The following MYO7B variants were observed in gnomAD, a reference collection of about 807,000 sequenced individuals.
MYO7B encodes the protein myosin VIIB.
A neutral mutation model predicts 259.7 loss-of-function variants in MYO7B; 212 were observed. That is an observed-to-expected ratio of 0.82 (90% confidence interval 0.73 to 0.91). The LOEUF is 0.91. Ranked by LOEUF, MYO7B falls within the 40% of genes least tolerant of loss-of-function variation. The probability of loss-of-function intolerance (pLI) is 0.00; values close to 1 mark genes in which losing one functional copy is unlikely to be tolerated. For synonymous variants in MYO7B, 1,197 were observed against 1,166.4 expected (o/e 1.03, Z -0.54); for missense variants, 2,732 against 2,813.5 (o/e 0.97, Z 0.66).
chr2:127,612,268 A>G lies in MYO7B; in HGVS notation c.3211A>G (p.Lys1071Glu). ...TCCACAGAGATCTGGCTGCAAGGAC[A>G]AGGGGACCAAGGATATCTCCTCCAT... ...RSAQRSGCKD[K>E]GTKDISSMKL... The change falls in exon 25 of 48, where the codon AAG (lysine) becomes GAG (glutamate). Residue 1071 changes from lysine to glutamate, a missense_variant. By Grantham distance (56) the Lys-to-Glu change is moderately conservative. This residue lies in a region of MYO7B where 1,906 missense variants were observed against 2,026.4 expected (regional missense o/e 0.94). Coordinates refer to ENST00000409816, the MANE Select transcript of MYO7B (RefSeq NM_001393586.1). 1 of 697,816 alleles carries G rather than the reference A, an allele frequency of 1.4e-6. No individual in the cohort carries two copies. The highest frequency in any genetic ancestry group is 2.5e-6 in the Non-Finnish European group (1 of 395,156). The allele number at this position is 697,816 out of a possible 1,614,324, so 43.2% of individuals were successfully genotyped here.
chr2:127,538,973 G>A (rs1029166091), intron 1 of MYO7B, among the ~76,000 whole-genome samples: 2 of 152,156 alleles, frequency 1.3e-5, no homozygotes, highest in African/African-American at 4.8e-5. Context: ...TTACCTTGCA[G>A]GGTTGTTTTA....
intron 19 of MYO7B, among the ~76,000 whole-genome samples, chr2:127,604,753 A>G (rs1159278805): frequency 6.6e-6 from 1 of 152,172 alleles, no homozygotes; most frequent in Admixed American, 6.5e-5. Context: ...AGGGAAACAG[A>G]GAAAAGAGAG....
intron 29 of MYO7B, 44 bp downstream of exon 29, chr2:127,623,419 C>A (rs752563104): frequency 1.5e-5 from 22 of 1,493,890 alleles, no homozygotes; most frequent in Non-Finnish European, 2.0e-5. Flanking sequence ...CCCTCATACA[C>A]CCAGGGAGAG....
At chr2:127,629,865 G>A (rs539840209) in intron 35 of MYO7B, 39 bp downstream of exon 35, 6 of 1,521,250 alleles carry the variant, frequency 3.9e-6, no homozygotes, top group Admixed American at 2.1e-5. Context: ...CTGGGTACCC[G>A]AGGTCAGGGT....
intron 38 of MYO7B, 112 bp downstream of exon 38, chr2:127,631,865 G>A: frequency 7.3e-7 from 1 of 1,367,664 alleles, no homozygotes. Flanking sequence ...CAGAACCCCT[G>A]CCTGGGCTCC....
At chr2:127,612,649 C>T (rs186585371) in intron 26 of MYO7B, 46 bp downstream of exon 26, 37 of 1,596,690 alleles carry the variant, frequency 2.3e-5, no homozygotes, top group Admixed American at 1.5e-4. Flanking sequence ...CATCAGATGC[C>T]CTCACTGGCT....
In MYO7B at chr2:127,566,718, C is replaced by T. The variant is rs1359702818; in HGVS notation, c.361C>T (p.Leu121Phe). The change falls in exon 5 of 48, where the codon CTC becomes TTC. Residue 121 changes from leucine to phenylalanine, a missense_variant. By Grantham distance (22) the Leu-to-Phe change is conservative. Coordinates refer to ENST00000409816, the MANE Select transcript of MYO7B (RefSeq NM_001393586.1). ...LPLYTLEQVQ[L>F]YYSRHMGELP... is the part of the protein sequence containing the mutation. Reference sequence around the variant, plus strand: ...GCTCTACACCCTGGAGCAGGTACAGCTCTACTACAGCCGCCATATGGGCGA... The same window carrying T: ...GCTCTACACCCTGGAGCAGGTACAGTTCTACTACAGCCGCCATATGGGCGA... 2 of 1,611,864 alleles carry T rather than the reference C, an allele frequency of 1.2e-6. No homozygotes were observed. The highest frequency in any genetic ancestry group is 1.7e-6 in the Non-Finnish European group (2 of 1,179,568).
chr2:127,629,924 GC>G, intron 35 of MYO7B, 98 bp downstream of exon 35: 2 of 1,330,752 alleles, frequency 1.5e-6, no homozygotes, highest in Non-Finnish European at 9.8e-7. Flanking sequence ...AGGGCCTGCA[GC>G]CCACCTAGCA....
chr2:127,637,160 G>T lies in MYO7B; in HGVS notation c.6328-156G>T, dbSNP rs754097885. ...GGGAGGGAGACCCAGCTCCAGCAGG[G>T]CAAGCAGAAATGACGGCCCCAATGG... On this transcript the variant is annotated intron_variant, in intron 47 of 47. Transcript: ENST00000409816. 22 of 895,268 alleles carry T rather than the reference G, an allele frequency of 2.5e-5. No homozygotes were observed. The South Asian group carries it at 3.1e-4, about 13-fold the overall frequency. 55.5% of individuals were successfully genotyped at this position (895,268 alleles called of 1,614,324 possible).
intron 16 of MYO7B, among the ~76,000 whole-genome samples, chr2:127,591,902 C>T (rs1300177880): frequency 6.6e-6 from 1 of 152,256 alleles, no homozygotes; most frequent in Non-Finnish European, 1.5e-5. Flanking sequence ...AGGCCCTCCA[C>T]TCCTCCGCCC....
chr2:127,610,021 G>C lies in MYO7B; in HGVS notation c.3192+5G>C. On this transcript the variant is annotated splice_donor_5th_base_variant and intron_variant, in intron 24 of 47. Transcript: ENST00000409816. ...CAGCACAGTAGATCTGCACAGGCAAGTGGGGGGCAGCAGCGGGCAGAGGAG... is the reference window on the plus strand; with the variant it reads ...CAGCACAGTAGATCTGCACAGGCAACTGGGGGGCAGCAGCGGGCAGAGGAG... 6.2e-7 allele frequency: 1 copy of C among 1,608,586 alleles called. No homozygotes were observed. The highest frequency in any genetic ancestry group is 8.5e-7 in the Non-Finnish European group (1 of 1,178,106).
Position 127,571,353 on chromosome 2 carries a change from G to A in MYO7B, c.592+1443G>A, listed in dbSNP as rs184195853. Reference sequence around the variant, plus strand: ...AGCGTCCTTCCTCATGCTTACCTCCGCTCTGTATATCTTCTCTGGTGAAGT... The same window carrying A: ...AGCGTCCTTCCTCATGCTTACCTCCACTCTGTATATCTTCTCTGGTGAAGT... On this transcript the variant is annotated intron_variant, in intron 6 of 47. Transcript: ENST00000409816. Among the ~76,000 whole-genome samples the A allele has an allele frequency of 1.2e-4, 17 of 147,762 alleles. No individual in the cohort carries two copies. The South Asian group carries it at 1.9e-3, about 17-fold the overall frequency.
intron 15 of MYO7B, among the ~76,000 whole-genome samples, chr2:127,589,379 G>T (rs1052326387): frequency 7.3e-5 from 11 of 150,226 alleles, no homozygotes; most frequent in Admixed American, 6.6e-5. Context: ...GAATGAATGG[G>T]TGCATGGGTG....
At chr2:127,578,035 C>T (rs1033124413) in intron 8 of MYO7B, 98 bp from the exon 9 acceptor site, 5 of 1,432,728 alleles carry the variant, frequency 3.5e-6, no homozygotes, top group Non-Finnish European at 4.8e-6. Flanking sequence ...GTGGTCCACC[C>T]ATTGCCTATG....
rs1470311778 is a variant in MYO7B at position 127,576,627 on chromosome 2, C to T, written c.768C>T (p.Tyr256=). The change falls in exon 8 of 48, where the codon TAC becomes TAT. Residue 256 remains tyrosine (Y), a synonymous_variant. Coordinates refer to ENST00000409816, the MANE Select transcript of MYO7B (RefSeq NM_001393586.1). This position sits in a 1 kb window ranked among gnomAD's most constrained non-coding sequence, Gnocchi z 4.9. ...AGGAGCGGAACTACCATATCTTCTA[C>T]TGCATGCTCATGGGGGTGAGTGCTG... ...APEERNYHIF[Y]CMLMGVSAED... The T allele has an allele frequency of 1.9e-6, 3 of 1,606,722 alleles. No homozygotes were observed. The highest frequency in any genetic ancestry group is 3.3e-5 in the Admixed American group (2 of 59,778).
chr2:127,573,846 C>T (rs931546478), intron 6 of MYO7B, 74 bp from the exon 7 acceptor site: 2 of 1,584,166 alleles, frequency 1.3e-6, no homozygotes, highest in Non-Finnish European at 1.7e-6. Flanking sequence ...CTGAGAAGCC[C>T]TCTTACATGA....
At chr2:127,629,959 A>C in intron 35 of MYO7B, 133 bp downstream of exon 35, 1 of 947,676 alleles carries the variant, frequency 1.1e-6, no homozygotes, top group East Asian at 3.3e-5. Flanking sequence ...CCACCCGGGC[A>C]GCCCCCACCA....
chr2:127,625,769 T>C (rs1438820261), intron 31 of MYO7B, among the ~76,000 whole-genome samples: 4 of 152,202 alleles, frequency 2.6e-5, no homozygotes, highest in African/African-American at 4.8e-5. Flanking sequence ...GCTGGCATCT[T>C]GGATGGGTCC....
At chr2:127,631,514 C>G in intron 37 of MYO7B, 86 bp from the exon 38 acceptor site, 2 of 1,539,768 alleles carry the variant, frequency 1.3e-6, no homozygotes, top group Non-Finnish European at 1.8e-6. Flanking sequence ...CATGGCTCAC[C>G]GCAGGGCCGG....
Sources: allele counts gnomAD v4.1 joint callset (sites outside exome capture counted in the v4.1 genomes callset), GRCh38; gene constraint gnomAD v4.1.1; regional missense constraint gnomAD v4.1.1; non-coding constraint Gnocchi (gnomAD v3.1); transcripts MANE v1.5; gene names NCBI Gene and HGNC (gene_info 2026-07-23, HGNC 2026-07-21).